CARD8: variants seen among roughly 807,000 people sequenced by gnomAD.
The protein encoded by CARD8 is caspase recruitment domain-containing protein 8.
A neutral mutation model predicts 53.2 loss-of-function variants in CARD8; 38 were observed. The ratio of observed to expected loss-of-function variants is 0.71; its 90% confidence interval spans 0.55 to 0.94. The LOEUF is 0.94. CARD8 is among the 40% of genes least tolerant of loss of function. The probability of loss-of-function intolerance (pLI) is 0.00; values close to 1 mark genes in which losing one functional copy is unlikely to be tolerated. For missense variants in CARD8, 561 were observed against 655.5 expected, an observed-to-expected ratio of 0.86 and a Z score of 1.57; for synonymous variants, 245 against 244.9, an observed-to-expected ratio of 1.00 and a Z score of 0.00.
chr19:48,215,635 A>T (rs761485849), intron 12 of CARD8, among the ~76,000 whole-genome samples: 11 of 152,224 alleles, frequency 7.2e-5, no homozygotes, highest in Non-Finnish European at 1.3e-4. Flanking sequence ...TATCTTAGGA[A>T]CTATGGGGCT....
intron 5 of CARD8, among the ~76,000 whole-genome samples, chr19:48,236,132 G>C (rs887074352): frequency 6.6e-6 from 1 of 152,236 alleles, no homozygotes; most frequent in Non-Finnish European, 1.5e-5. Flanking sequence ...GGACAGCATT[G>C]ACTTTAGAAC....
In CARD8 at chr19:48,208,983, C is replaced by CAAAAAA. The variant is rs61047810; in HGVS notation, c.*2721_*2726dup. ...TAGATGACAGAGCGAGACTCCATCTCAAAAAAAAAAAAAAAAAAAAAAAAA... is the reference window on the plus strand; with the variant it reads ...TAGATGACAGAGCGAGACTCCATCTCAAAAAAAAAAAAAAAAAAAAAAAAAAAAAAA... On this transcript the variant is annotated 3_prime_UTR_variant, in exon 14 of 14. Transcript: ENST00000651546. The CAAAAAA allele has an allele frequency of 8.3e-5, 4 of 48,134 alleles. No individual in the cohort carries two copies. Among genetic ancestry groups the CAAAAAA allele is most frequent in the African/African-American group, 2.7e-4 (3 of 11,314 alleles). 3.0% of individuals were successfully genotyped at this position (48,134 alleles called of 1,614,324 possible). A position where few individuals can be genotyped will look rare whatever the true frequency, so the allele number is the denominator to read the frequency against.
intron 5 of CARD8, among the ~76,000 whole-genome samples, chr19:48,237,426 C>T (rs2044099726): frequency 6.6e-6 from 1 of 152,056 alleles, no homozygotes; most frequent in Non-Finnish European, 1.5e-5. Context: ...CCTCCAGGCC[C>T]CACCTCCAAC....
chr19:48,247,255 C>A (rs1348627606), intron 3 of CARD8, among the ~76,000 whole-genome samples: 2 of 152,124 alleles, frequency 1.3e-5, no homozygotes, highest in Non-Finnish European at 2.9e-5. Context: ...ACCAAGAAGT[C>A]ATAGGTTGCA....
At chr19:48,234,883 A>G (rs2043596908) in intron 5 of CARD8, among the ~76,000 whole-genome samples, 1 of 152,208 alleles carries the variant, frequency 6.6e-6, no homozygotes, top group African/African-American at 2.4e-5. Context: ...AACCTTGCTA[A>G]GAATTTTAGG....
intron 3 of CARD8, among the ~76,000 whole-genome samples, chr19:48,242,873 G>A (rs1450037512): frequency 1.3e-5 from 2 of 152,158 alleles, no homozygotes; most frequent in African/African-American, 4.8e-5. Context: ...CAGTGTAGGA[G>A]GGGGCCAGCT....
intron 3 of CARD8, among the ~76,000 whole-genome samples, chr19:48,245,748 T>C (rs2046000099): frequency 6.7e-6 from 1 of 149,202 alleles, no homozygotes; most frequent in Admixed American, 6.7e-5. Context: ...CTATATATAA[T>C]TGTATTATAT....
intron 13 of CARD8, among the ~76,000 whole-genome samples, chr19:48,213,493 C>A (rs906825205): frequency 7.2e-5 from 11 of 152,150 alleles, no homozygotes; most frequent in African/African-American, 2.7e-4. Flanking sequence ...CCTGCCTCAG[C>A]CCCCCGAGTA....
intron 3 of CARD8, among the ~76,000 whole-genome samples, chr19:48,243,215 G>A (rs62129800): frequency 0.16 from 24,092 of 151,952 alleles, 2,014 homozygotes; most frequent in East Asian, 0.33. Context: ...GGGTTTCACC[G>A]TGTTAGCCAG....
chr19:48,208,984 A>C lies in CARD8; in HGVS notation c.*2726T>G, dbSNP rs1433337162. On this transcript the variant is annotated 3_prime_UTR_variant, in exon 14 of 14. Coordinates refer to ENST00000651546, the MANE Select transcript of CARD8 (RefSeq NM_001184900.3). Reference sequence around the variant, plus strand: ...AGATGACAGAGCGAGACTCCATCTCAAAAAAAAAAAAAAAAAAAAAAAAAT... The same window carrying C: ...AGATGACAGAGCGAGACTCCATCTCCAAAAAAAAAAAAAAAAAAAAAAAAT... 13 of 6,878 alleles carry C rather than the reference A, an allele frequency of 1.9e-3. No individual in the cohort carries two copies. Among genetic ancestry groups the C allele is most frequent in the African/African-American group, 3.3e-3 (13 of 3,984 alleles). 0.4% of individuals were successfully genotyped at this position (6,878 alleles called of 1,614,324 possible). A position where few individuals can be genotyped will look rare whatever the true frequency, so the allele number is the denominator to read the frequency against.
intron 12 of CARD8, 112 bp downstream of exon 12, chr19:48,218,759 T>G (rs1180386575): frequency 8.4e-7 from 1 of 1,193,848 alleles, no homozygotes; most frequent in African/African-American, 1.5e-5. Context: ...GACAATAGAT[T>G]TCTTTTCTTC....
At chr19:48,213,890 G>A (rs930816859) in intron 13 of CARD8, among the ~76,000 whole-genome samples, 3 of 152,068 alleles carry the variant, frequency 2.0e-5, no homozygotes, top group Non-Finnish European at 2.9e-5. Context: ...TTGCCTTTCC[G>A]TCTAAAGTCC....
rs2039952216 is a variant in CARD8, at chr19:48,219,011, T to G, written c.1163A>C (p.Glu388Ala). ...NSANLKVMPK[E>A]LKLSYRSPGE... The stretch of plus-strand genomic sequence containing the variant: ...AGGGCTCCTGTAGGACAATTTCAAC[T>G]CCTAGAGGAAACACATCAGTTGACT... The change falls in exon 12 of 14, where the codon GAG becomes GCG. Residue 388 changes from glutamate to alanine, a missense_variant and splice_region_variant. Coordinates refer to ENST00000651546, the MANE Select transcript of CARD8 (RefSeq NM_001184900.3). 3 of 1,613,846 alleles carry G rather than the reference T, an allele frequency of 1.9e-6. No individual in the cohort carries two copies. In the African/African-American group the frequency reaches 4.0e-5, roughly 22 times the overall value.
chr19:48,218,026 C>T (rs948539892), intron 12 of CARD8, among the ~76,000 whole-genome samples: 3 of 152,172 alleles, frequency 2.0e-5, no homozygotes, highest in Non-Finnish European at 4.4e-5. Flanking sequence ...TTAGAATCTT[C>T]TGTTCTTTAC....
chr19:48,241,182 T>C, intron 3 of CARD8, 119 bp from the exon 4 acceptor site: 1 of 619,798 alleles, frequency 1.6e-6, no homozygotes, highest in Non-Finnish European at 2.8e-6. Context: ...AAGAGATGCA[T>C]CAGTGGAATT....
intron 3 of CARD8, among the ~76,000 whole-genome samples, chr19:48,245,456 G>A (rs8104547): frequency 0.043 from 6,537 of 151,950 alleles, 260 homozygotes; most frequent in African/African-American, 0.1. Flanking sequence ...CAGGTGATCC[G>A]CCCACCTCAG....
intron 12 of CARD8, among the ~76,000 whole-genome samples, chr19:48,217,763 G>A (rs1028584860): frequency 2.0e-5 from 3 of 152,180 alleles, no homozygotes; most frequent in African/African-American, 7.2e-5. Context: ...AAATGTATTG[G>A]AGATATAAAT....
chr19:48,215,943 A>T (rs1448201097), intron 12 of CARD8, among the ~76,000 whole-genome samples: 1 of 151,566 alleles, frequency 6.6e-6, no homozygotes, highest in African/African-American at 2.4e-5. Context: ...TGCCCCCCCC[A>T]CCCCACCTTT....
At chr19:48,232,752 T>C in intron 6 of CARD8, 1 of 628,776 alleles carries the variant, frequency 1.6e-6, no homozygotes, top group Non-Finnish European at 3.0e-6. Flanking sequence ...AACACTCCCG[T>C]CATCACAGAA....
Sources: allele counts gnomAD v4.1 joint callset (sites outside exome capture counted in the v4.1 genomes callset), GRCh38; gene constraint gnomAD v4.1.1; transcripts MANE v1.5; gene names NCBI Gene and HGNC (gene_info 2026-07-23, HGNC 2026-07-21).